PRKDC: variants seen among roughly 807,000 people sequenced by gnomAD.
PRKDC encodes the protein DNA-dependent protein kinase catalytic subunit.
A neutral mutation model predicts 486.9 loss-of-function variants in PRKDC; 82 were observed. That is an observed-to-expected ratio of 0.17 (90% CI 0.14 to 0.20). The LOEUF (loss-of-function observed/expected upper bound fraction) is 0.20. Among genes scored for constraint, PRKDC ranks in the 10% least tolerant of loss-of-function variants. The pLI is 1.00. For synonymous variants in PRKDC, 1,895 were observed against 1,837.0 expected (o/e 1.03, Z -0.81); for missense variants, 4,504 against 5,038.2 (o/e 0.89, Z 3.21).
At chr8:47,871,038 G>T (rs1190621953) in intron 40 of PRKDC, among the ~76,000 whole-genome samples, 1 of 151,924 alleles carries the variant, frequency 6.6e-6, no homozygotes, top group Non-Finnish European at 1.5e-5. Context: ...ACACAGAGGG[G>T]ACAAAAGAAA....
intron 21 of PRKDC, 144 bp downstream of exon 21, chr8:47,927,050 G>C: frequency 1.2e-6 from 1 of 818,966 alleles, no homozygotes; most frequent in South Asian, 2.2e-5. Flanking sequence ...AGATAAATTA[G>C]GGAAATTACA....
At chr8:47,899,813 T>A (rs1008521911) in intron 28 of PRKDC, among the ~76,000 whole-genome samples, 1 of 152,248 alleles carries the variant, frequency 6.6e-6, no homozygotes, top group Non-Finnish European at 1.5e-5. Flanking sequence ...AACAACTCTA[T>A]GTAGTTCCTA....
chr8:47,802,073 C>CT (rs1179216419), intron 70 of PRKDC, among the ~76,000 whole-genome samples: 1 of 151,490 alleles, frequency 6.6e-6, no homozygotes, highest in East Asian at 1.9e-4. Context: ...TCTTCTTCTT[C>CT]TTTTTTTAGA....
At position 47,929,930 on chromosome 8, in the gene PRKDC, T is replaced by C. The variant is rs1303920467; in HGVS notation, c.1975A>G (p.Arg659Gly). 6.2e-7 allele frequency: 1 copy of C among 1,610,822 alleles called. No homozygotes were observed. Among genetic ancestry groups the C allele is most frequent in the Non-Finnish European group, 8.5e-7 (1 of 1,178,884 alleles). The change falls in exon 18 of 86, where the codon AGG (arginine) becomes GGG (glycine). Residue 659 changes from arginine to glycine, a missense_variant. By Grantham distance (125) the Arg-to-Gly change is moderately radical. This residue lies in a region of PRKDC where 1,969 missense variants were observed against 2,068.9 expected (regional missense o/e 0.95). Coordinates refer to ENST00000314191, the MANE Select transcript of PRKDC (RefSeq NM_006904.7). ...TAGAAACCACTGATGAGGGGCAACC[T>C]TGTAGATTGCAAAATTAATTCATAT... ...FSYELILQST[R>G]LPLISGFYKL...
intron 46 of PRKDC, 53 bp from the exon 47 acceptor site, chr8:47,859,039 C>T (rs1002749197): frequency 3.1e-6 from 5 of 1,592,458 alleles, no homozygotes; most frequent in Non-Finnish European, 4.3e-6. Context: ...ATTCAGTGGA[C>T]AAGGCAGTGG....
At chr8:47,780,970 G>GA (rs936663516) in intron 80 of PRKDC, among the ~76,000 whole-genome samples, 7 of 151,674 alleles carry the variant, frequency 4.6e-5, no homozygotes, top group Non-Finnish European at 8.8e-5. Flanking sequence ...GCTGAATTAA[G>GA]AAAAAAAACA....
In PRKDC at chr8:47,957,274, A is replaced by G. The variant is rs765238544; in HGVS notation, c.232-11T>C. 3 of 1,586,030 alleles carry G rather than the reference A, an allele frequency of 1.9e-6. No homozygotes were observed. The South Asian group carries it at 3.4e-5, about 18-fold the overall frequency. On this transcript the variant is annotated splice_polypyrimidine_tract_variant and intron_variant, in intron 2 of 85. Coordinates refer to ENST00000314191, the MANE Select transcript of PRKDC (RefSeq NM_006904.7). ...TCTACATTCACGAAACTGTAATGAA[A>G]GAGATACATATTGTAAATATGGGTA...
chr8:47,907,678 G>A (rs1187699641), intron 25 of PRKDC, among the ~76,000 whole-genome samples: 2 of 151,558 alleles, frequency 1.3e-5, no homozygotes, highest in Non-Finnish European at 2.9e-5. Flanking sequence ...GGGATTACAG[G>A]CGTCCACCAC....
chr8:47,946,395 G>A (rs1386744122), intron 7 of PRKDC, among the ~76,000 whole-genome samples: 2 of 152,006 alleles, frequency 1.3e-5, no homozygotes, highest in Non-Finnish European at 2.9e-5. Context: ...TACAAGATTT[G>A]TCTAGCATGT....
At chr8:47,890,998 G>C (rs1311593628) in intron 31 of PRKDC, among the ~76,000 whole-genome samples, 1 of 152,146 alleles carries the variant, frequency 6.6e-6, no homozygotes, top group African/African-American at 2.4e-5. Context: ...AGCAGGTGTG[G>C]ACAGGCACCA....
intron 83 of PRKDC, 97 bp downstream of exon 83, chr8:47,778,362 G>T: frequency 7.7e-7 from 1 of 1,302,256 alleles, no homozygotes; most frequent in Non-Finnish European, 1.0e-6. Flanking sequence ...TAACTAATAT[G>T]TTGTTTTTCC....
chr8:47,911,560 G>A (rs1451340737), intron 25 of PRKDC, among the ~76,000 whole-genome samples: 1 of 152,092 alleles, frequency 6.6e-6, no homozygotes. Context: ...ATCCACTCAT[G>A]TATACTGCAG....
At chr8:47,820,689 C>T (rs1313381714) in intron 66 of PRKDC, 30 bp downstream of exon 66, 4 of 1,106,430 alleles carry the variant, frequency 3.6e-6, no homozygotes, top group South Asian at 2.6e-5. Context: ...TATATATATA[C>T]AAGCATATAT....
intron 16 of PRKDC, among the ~76,000 whole-genome samples, chr8:47,931,689 C>G (rs990718386): frequency 2.0e-5 from 3 of 152,172 alleles, no homozygotes; most frequent in Non-Finnish European, 2.9e-5. Context: ...TGCCTCTTGT[C>G]TAACTTCTCA....
At chr8:47,869,921 T>C (rs891056426) in intron 40 of PRKDC, among the ~76,000 whole-genome samples, 1 of 151,724 alleles carries the variant, frequency 6.6e-6, no homozygotes, top group Non-Finnish European at 1.5e-5. Flanking sequence ...CCTGGGGCAA[T>C]GGTGACCACA....
chr8:47,826,264 C>G (rs755698573), intron 63 of PRKDC, among the ~76,000 whole-genome samples: 77 of 152,294 alleles, frequency 5.1e-4, no homozygotes, highest in Admixed American at 2.0e-3. Context: ...TAAACTCTTT[C>G]TAAAATCTTG....
At position 47,953,871 on chromosome 8, in the gene PRKDC, G is replaced by T; in HGVS notation, c.557C>A (p.Pro186His). 6.4e-7 allele frequency: 1 copy of T among 1,565,864 alleles called. No individual in the cohort carries two copies. Among genetic ancestry groups the T allele is most frequent in the South Asian group, 1.2e-5 (1 of 85,314 alleles). Residue 186 changes from proline (P) to histidine (H), a missense_variant, in exon 6 of 86, where the codon CCT becomes CAT. Transcript: ENST00000314191. The part of the protein sequence containing the change: ...ELLGLLGEVH[P>H]SEMINNAENL... ...TTCTGCATTATTTATCATCTCACTA[G>T]GATGAACTTCACCCAATAATCCTAG...
At chr8:47,778,301 G>A (rs2086640553) in intron 83 of PRKDC, among the ~76,000 whole-genome samples, 158 bp downstream of exon 83, 1 of 152,162 alleles carries the variant, frequency 6.6e-6, no homozygotes, top group Non-Finnish European at 1.5e-5. Context: ...GAATGAGGCT[G>A]AACTAAGTGA....
chr8:47,805,539 T>G (rs1259484584), intron 69 of PRKDC, among the ~76,000 whole-genome samples: 1 of 152,218 alleles, frequency 6.6e-6, no homozygotes, highest in Non-Finnish European at 1.5e-5. Flanking sequence ...TACTAGACCC[T>G]TATCAGATAT....
Sources: gnomAD v4.1 joint callset for allele counts (sites outside exome capture counted in the v4.1 genomes callset) on GRCh38, gnomAD v4.1.1 for gene constraint, gnomAD v4.1.1 regional missense constraint, MANE v1.5 for transcripts, NCBI Gene and HGNC (gene_info 2026-07-23, HGNC 2026-07-21) for gene names.